RPTOR: variants seen among roughly 807,000 people sequenced by gnomAD.
The protein encoded by RPTOR is regulatory-associated protein of mTOR.
RPTOR carries 21 observed loss-of-function variants against 169.9 expected under a neutral mutation model. The observed-to-expected ratio is 0.12, with a 90% CI of 0.09 to 0.18. The LOEUF (loss-of-function observed/expected upper bound fraction) is 0.18. RPTOR is among the 10% of genes least tolerant of loss of function. The pLI is 1.00. For synonymous variants in RPTOR, 732 were observed against 753.2 expected, an observed-to-expected ratio of 0.97 and a Z score of 0.46; for missense variants, 1,133 against 1,855.9, an observed-to-expected ratio of 0.61 and a Z score of 7.16.
At chr17:80,869,691 C>A (rs1412680725) in intron 13 of RPTOR, among the ~76,000 whole-genome samples, 1 of 152,158 alleles carries the variant, frequency 6.6e-6, no homozygotes, top group East Asian at 1.9e-4. Context: ...GACTGTGTCG[C>A]TGTCACGTGT....
intron 1 of RPTOR, among the ~76,000 whole-genome samples, chr17:80,575,738 G>A (rs2064957534): frequency 6.6e-6 from 1 of 152,134 alleles, no homozygotes; most frequent in Admixed American, 6.6e-5. Context: ...TATTTTATTT[G>A]TGGTGTACAA....
intron 5 of RPTOR, among the ~76,000 whole-genome samples, chr17:80,752,186 C>T (rs1417313643): frequency 6.6e-6 from 1 of 152,228 alleles, no homozygotes; most frequent in Non-Finnish European, 1.5e-5. Context: ...TGTTCCCTGT[C>T]TCTTTCTGTC....
At position 80,648,549 on chromosome 17, in the gene RPTOR, C is replaced by T. The variant is rs2065614318; in HGVS notation, c.348+4739C>T. On this transcript the variant is annotated intron_variant, in intron 3 of 33. Coordinates refer to ENST00000306801, the MANE Select transcript of RPTOR (RefSeq NM_020761.3). ...ACACTGCTAGGTGTGGTGGGAGGCG[C>T]CTAGTCAGGCAGCCGGGTTGGCTTT... Among the ~76,000 whole-genome samples the T allele has an allele frequency of 2.0e-5, 3 of 152,126 alleles. No individual in the cohort carries two copies. In the South Asian group the frequency reaches 6.2e-4, roughly 32 times the overall value.
chr17:80,883,590 C>A (rs180818186), intron 15 of RPTOR, 106 bp downstream of exon 15: 3 of 1,274,122 alleles, frequency 2.4e-6, no homozygotes, highest in African/African-American at 2.9e-5. Flanking sequence ...GGGTGTCCAG[C>A]AGAGGCTCTG....
At chr17:80,808,613 C>T (rs144945221) in intron 7 of RPTOR, among the ~76,000 whole-genome samples, 4 of 152,234 alleles carry the variant, frequency 2.6e-5, no homozygotes, top group African/African-American at 4.8e-5. Flanking sequence ...CCACTGTGCC[C>T]GTGGAGCCAC....
intron 5 of RPTOR, among the ~76,000 whole-genome samples, chr17:80,741,924 G>A (rs757497457): frequency 3.9e-5 from 6 of 152,144 alleles, no homozygotes; most frequent in South Asian, 4.1e-4. Flanking sequence ...CCAGGCACTC[G>A]TGGCATCAGG....
At chr17:80,806,504 G>C (rs2067220244) in intron 7 of RPTOR, among the ~76,000 whole-genome samples, 1 of 152,186 alleles carries the variant, frequency 6.6e-6, no homozygotes, top group Non-Finnish European at 1.5e-5. Context: ...GGTTGTGTAT[G>C]TGTGTTTGTC....
intron 1 of RPTOR, among the ~76,000 whole-genome samples, chr17:80,585,309 A>G (rs1266212921): frequency 6.6e-6 from 1 of 151,160 alleles, no homozygotes; most frequent in African/African-American, 2.4e-5. Context: ...GGTTCAAGCG[A>G]TTCTCCTGCC....
At chr17:80,704,968 G>C (rs937953215) in intron 3 of RPTOR, among the ~76,000 whole-genome samples, 5 of 152,278 alleles carry the variant, frequency 3.3e-5, no homozygotes, top group South Asian at 2.1e-4. Context: ...ATGTGGGTCA[G>C]ATTGGCCACC....
chr17:80,586,392 A>T (rs533622545), intron 1 of RPTOR, among the ~76,000 whole-genome samples: 244 of 152,260 alleles, frequency 1.6e-3, no homozygotes, highest in Middle Eastern at 0.01. Context: ...TGGATTGGGG[A>T]AAGTTGCCTC....
rs537275299 is a variant in RPTOR at position 80,625,926 on chromosome 17, G to A, written c.265+133G>A. 79 of 643,142 alleles carry A rather than the reference G, an allele frequency of 1.2e-4. 1 individual carries two copies. In the South Asian group the frequency reaches 1.3e-3, roughly 11 times the overall value. The allele number at this position is 643,142 out of a possible 1,614,324, so 39.8% of individuals were successfully genotyped here. A position where few individuals can be genotyped will look rare whatever the true frequency, so the allele number is the denominator to read the frequency against. On this transcript the variant is annotated intron_variant, in intron 2 of 33. Transcript: ENST00000306801. Reference sequence around the variant, plus strand: ...GCAAATCTGAGGGGTTTTTCTTTCTGGAGTCACATCACCTTTGAGTAATTT... The same window carrying A: ...GCAAATCTGAGGGGTTTTTCTTTCTAGAGTCACATCACCTTTGAGTAATTT...
At chr17:80,913,530 G>T (rs953286231) in intron 21 of RPTOR, among the ~76,000 whole-genome samples, 1 of 152,252 alleles carries the variant, frequency 6.6e-6, no homozygotes, top group East Asian at 1.9e-4. Flanking sequence ...ACGGCTCACT[G>T]CAGCCTCGAC....
At chr17:80,779,604 T>C (rs891174560) in intron 6 of RPTOR, among the ~76,000 whole-genome samples, 2 of 152,128 alleles carry the variant, frequency 1.3e-5, no homozygotes, top group Admixed American at 6.5e-5. Flanking sequence ...GTGGGGTTCA[T>C]CTGCTTGCGG....
Position 80,966,117 on chromosome 17 carries a change from A to AG in RPTOR, c.*1787_*1788insG. 1 of 174,658 alleles carries AG rather than the reference A, an allele frequency of 5.7e-6. No individual in the cohort carries two copies. The allele number at this position is 174,658 out of a possible 1,614,324, so 10.8% of individuals were successfully genotyped here. On this transcript the variant is annotated 3_prime_UTR_variant, in exon 34 of 34. Coordinates refer to ENST00000306801, the MANE Select transcript of RPTOR (RefSeq NM_020761.3). ...GGCAGGTGGCTCCAGAGGGGTCAAG[A>AG]CCCCCCCCCGCCCCCGCTCCACCCT... is the stretch of plus-strand genomic sequence containing the variant.
intron 21 of RPTOR, among the ~76,000 whole-genome samples, chr17:80,918,489 C>CTAGGTTG (rs1491417845): frequency 2.1e-5 from 2 of 97,146 alleles, no homozygotes; most frequent in African/African-American, 3.8e-5. Context: ...GCCACGAGCA[C>CTAGGTTG]CCTCGCGGGG....
intron 5 of RPTOR, among the ~76,000 whole-genome samples, chr17:80,751,853 C>T (rs1052326821): frequency 5.9e-5 from 9 of 152,348 alleles, no homozygotes; most frequent in East Asian, 1.9e-4. Flanking sequence ...TGGTCCACGA[C>T]CCCGCATTAG....
chr17:80,815,464 T>G (rs561891144), intron 7 of RPTOR, among the ~76,000 whole-genome samples: 20 of 152,312 alleles, frequency 1.3e-4, no homozygotes, highest in Middle Eastern at 6.8e-3. Context: ...GTACCGCGCT[T>G]TTTCCTGCCA....
chr17:80,684,023 G>A (rs146595440), intron 3 of RPTOR, among the ~76,000 whole-genome samples: 1 of 152,284 alleles, frequency 6.6e-6, no homozygotes, highest in Non-Finnish European at 1.5e-5. Context: ...TTGCCGTCTC[G>A]TACCATCGTA....
intron 3 of RPTOR, among the ~76,000 whole-genome samples, chr17:80,683,484 A>G (rs2065913376): frequency 6.6e-6 from 1 of 152,114 alleles, no homozygotes. Context: ...TTTGTAAGTA[A>G]TAAGGACTCT....
Sources: gnomAD v4.1 joint callset for allele counts (sites outside exome capture counted in the v4.1 genomes callset) on GRCh38, gnomAD v4.1.1 for gene constraint, MANE v1.5 for transcripts, NCBI Gene and HGNC (gene_info 2026-07-23, HGNC 2026-07-21) for gene names.